The following PTPRT variants were observed in gnomAD, a reference collection of about 807,000 sequenced individuals.
PTPRT encodes protein tyrosine phosphatase receptor type T.
A neutral mutation model predicts 176.8 loss-of-function variants in PTPRT; 56 were observed. That is an observed-to-expected ratio of 0.32 (90% CI 0.26 to 0.40). The LOEUF is 0.40. Ranked by LOEUF, PTPRT falls within the 10% of genes least tolerant of loss-of-function variation. PTPRT has a pLI of 1.00. For synonymous variants in PTPRT, 783 were observed against 739.0 expected (o/e 1.06, Z -0.96); for missense variants, 1,540 against 1,908.2 (o/e 0.81, Z 3.60).
At chr20:42,056,649 C>T in the PTPRT span, among the ~76,000 whole-genome samples, 1 of 152,216 alleles carries the variant, frequency 6.6e-6, no homozygotes, top group African/African-American at 2.4e-5. Context: ...TGTGTGTACA[C>T]ACTTGCCTTT....
intron 14 of PTPRT, among the ~76,000 whole-genome samples, chr20:42,243,774 C>A (rs1384446236): frequency 6.6e-6 from 1 of 152,126 alleles, no homozygotes; most frequent in African/African-American, 2.4e-5. Context: ...ATCAACTCTG[C>A]CCAAAACGTT....
At chr20:42,796,782 C>T (rs1424154506) in intron 2 of PTPRT, among the ~76,000 whole-genome samples, 2 of 152,180 alleles carry the variant, frequency 1.3e-5, no homozygotes, top group African/African-American at 4.8e-5. Context: ...GAGGCCCAAG[C>T]CCTGGTGAGC....
intron 8 of PTPRT, among the ~76,000 whole-genome samples, chr20:42,463,423 C>T (rs1045802558): frequency 2.6e-5 from 4 of 152,122 alleles, no homozygotes; most frequent in Admixed American, 2.6e-4. Flanking sequence ...AAAAAGCACA[C>T]TAAAATTGCT....
intron 16 of PTPRT, among the ~76,000 whole-genome samples, chr20:42,181,906 A>G (rs931413918): frequency 6.6e-6 from 1 of 152,196 alleles, no homozygotes; most frequent in East Asian, 1.9e-4. Context: ...AATTAAAAAA[A>G]AACAACAAGT....
At position 42,764,426 on chromosome 20, in the gene PTPRT, T is replaced by G. The variant is rs1167350903; in HGVS notation, c.684+7009A>C. ...CATGTAGATTTGAGAAATTAAAATA[T>G]ACTTAAGTATCTGGTTCAGCGGCCA... On this transcript the variant is annotated intron_variant, in intron 5 of 30. Transcript: ENST00000373187. Among the ~76,000 whole-genome samples, 3 of 152,236 alleles carry G rather than the reference T, an allele frequency of 2.0e-5. No individual in the cohort carries two copies. In the East Asian group the frequency reaches 5.8e-4, roughly 29 times the overall value.
intron 2 of PTPRT, among the ~76,000 whole-genome samples, chr20:42,883,750 A>ACACATGCACACCCACACC (rs2079051221): frequency 1.9e-3 from 16 of 8,404 alleles, no homozygotes; most frequent in African/African-American, 3.6e-3. Flanking sequence ...TCTCACACAT[A>ACACATGCACACCCACACC]CCCATACACA....
chr20:42,545,365 A>G lies in PTPRT; in HGVS notation c.1154-72803T>C, dbSNP rs2072656265. On this transcript the variant is annotated intron_variant, in intron 7 of 30. Coordinates refer to ENST00000373187, the MANE Select transcript of PTPRT (RefSeq NM_007050.6). Reference sequence around the variant, plus strand: ...GTAGGATTCTGCAAGTCCAGCTAGAAGCAGCCAGAGCCAGCTGACAGCAGT... The same window carrying G: ...GTAGGATTCTGCAAGTCCAGCTAGAGGCAGCCAGAGCCAGCTGACAGCAGT... 3.9e-5 allele frequency among the ~76,000 whole-genome samples: 6 copies of G among 152,198 alleles called. 1 individual carries two copies. The highest frequency in any genetic ancestry group is 3.9e-4 in the Admixed American group (6 of 15,274).
intron 9 of PTPRT, among the ~76,000 whole-genome samples, chr20:42,431,990 C>T (rs767104860): frequency 1.2e-4 from 19 of 152,182 alleles, no homozygotes; most frequent in African/African-American, 1.7e-4. Flanking sequence ...ACACACAGGG[C>T]CTTTAGGCAT....
At chr20:43,043,437 G>T (rs1241498527) in intron 1 of PTPRT, among the ~76,000 whole-genome samples, 1 of 152,178 alleles carries the variant, frequency 6.6e-6, no homozygotes, top group Non-Finnish European at 1.5e-5. Flanking sequence ...AGATTTTATT[G>T]TGTGCTAGAT....
intron 1 of PTPRT, among the ~76,000 whole-genome samples, chr20:42,958,886 C>G (rs1386211194): frequency 6.6e-6 from 1 of 152,150 alleles, no homozygotes; most frequent in African/African-American, 2.4e-5. Flanking sequence ...TAATATAGCT[C>G]AGTATTTGCC....
intron 7 of PTPRT, among the ~76,000 whole-genome samples, chr20:42,551,953 C>A (rs1244865258): frequency 3.9e-5 from 6 of 152,094 alleles, no homozygotes; most frequent in African/African-American, 1.4e-4. Flanking sequence ...CTTTCATTAC[C>A]ACCTATACAT....
intron 6 of PTPRT, among the ~76,000 whole-genome samples, chr20:42,736,166 T>C (rs1569121987): frequency 6.6e-6 from 1 of 152,166 alleles, no homozygotes; most frequent in Non-Finnish European, 1.5e-5. Context: ...GCATGTAATA[T>C]AGTTTACAAT....
intron 2 of PTPRT, among the ~76,000 whole-genome samples, chr20:42,796,568 G>T (rs927694096): frequency 1.3e-5 from 2 of 152,234 alleles, no homozygotes; most frequent in Non-Finnish European, 2.9e-5. Context: ...AGACAACTCT[G>T]CCGTTCCTTG....
In PTPRT at chr20:42,324,471, A is replaced by G. The variant is rs137910407; in HGVS notation, c.1866-8475T>C. On this transcript the variant is annotated intron_variant, in intron 11 of 30. Coordinates refer to ENST00000373187, the MANE Select transcript of PTPRT (RefSeq NM_007050.6). The stretch of plus-strand genomic sequence containing the variant: ...GATAGTTGCACGATCCTATACATTT[A>G]CTAAAGAATTGTACACTTAACATAG... 2.9e-3 allele frequency among the ~76,000 whole-genome samples: 439 copies of G among 152,356 alleles called. 2 individuals carry two copies. The highest frequency in any genetic ancestry group is 9.9e-3 in the African/African-American group (410 of 41,592).
intron 1 of PTPRT, among the ~76,000 whole-genome samples, chr20:43,160,730 T>C (rs1015501913): frequency 3.3e-5 from 5 of 152,156 alleles, no homozygotes; most frequent in African/African-American, 9.7e-5. Context: ...GTGTATTTAT[T>C]ATGTTTAGAA....
chr20:42,047,444 C>G, the PTPRT span, among the ~76,000 whole-genome samples: 23 of 152,190 alleles, frequency 1.5e-4, no homozygotes, highest in Non-Finnish European at 2.8e-4. Flanking sequence ...GCTTGTTACA[C>G]ATTCTGGTCC....
chr20:42,755,677 A>T (rs539332731), intron 6 of PTPRT, among the ~76,000 whole-genome samples: 108 of 152,220 alleles, frequency 7.1e-4, no homozygotes, highest in African/African-American at 2.6e-3. Flanking sequence ...TATCCTAAGG[A>T]AATAATCTGG....
chr20:42,867,908 C>G (rs969351556), intron 2 of PTPRT, among the ~76,000 whole-genome samples: 1 of 152,042 alleles, frequency 6.6e-6, no homozygotes, highest in Non-Finnish European at 1.5e-5. Flanking sequence ...TCTCAAACTC[C>G]TGACCTCAGG....
intron 9 of PTPRT, among the ~76,000 whole-genome samples, chr20:42,379,283 G>T (rs1464377995): frequency 6.6e-6 from 1 of 152,204 alleles, no homozygotes; most frequent in African/African-American, 2.4e-5. Flanking sequence ...CCCCTTTATT[G>T]CAGGAAGATT....
Sources: gnomAD v4.1 joint callset for allele counts (sites outside exome capture counted in the v4.1 genomes callset) on GRCh38, gnomAD v4.1.1 for gene constraint, MANE v1.5 for transcripts, NCBI Gene and HGNC (gene_info 2026-07-23, HGNC 2026-07-21) for gene names.